EHMT1: variants seen among roughly 807,000 people sequenced by gnomAD.
The protein encoded by EHMT1 is histone-lysine N-methyltransferase EHMT1.
In EHMT1, 15 loss-of-function variants were observed where a neutral mutation model predicts 147.2. The observed-to-expected ratio is 0.10, with a 90% CI of 0.07 to 0.16. The LOEUF is 0.16. Among genes scored for constraint, EHMT1 ranks in the 10% least tolerant of loss-of-function variants. The pLI is 1.00. For synonymous variants in EHMT1, 795 were observed against 709.6 expected, an observed-to-expected ratio of 1.12 and a Z score of -1.91; for missense variants, 1,587 against 1,772.4, an observed-to-expected ratio of 0.90 and a Z score of 1.88.
At chr9:137,644,935 C>T (rs1345251600) in intron 1 of EHMT1, among the ~76,000 whole-genome samples, 4 of 151,878 alleles carry the variant, frequency 2.6e-5, no homozygotes, top group Middle Eastern at 3.2e-3. Flanking sequence ...TGCAGTGGTG[C>T]GATCTCAGCT....
intron 1 of EHMT1, among the ~76,000 whole-genome samples, chr9:137,657,705 G>A (rs1248067643): frequency 1.3e-5 from 2 of 151,872 alleles, no homozygotes. Context: ...TTTAAGATGT[G>A]CAATAGACCA....
At chr9:137,743,616 T>G (rs1948296464) in intron 5 of EHMT1, 88 bp downstream of exon 5, 2 of 1,585,538 alleles carry the variant, frequency 1.3e-6, no homozygotes, top group African/African-American at 2.7e-5. Flanking sequence ...TTGGGTGACC[T>G]CAGTCCCCGG....
chr9:137,807,728 G>A lies in EHMT1; in HGVS notation c.2713-3733G>A, dbSNP rs541856693. Among the ~76,000 whole-genome samples, 63 of 152,158 alleles carry A rather than the reference G, an allele frequency of 4.1e-4. No homozygotes were observed. The Middle Eastern group carries it at 0.017, about 41-fold the overall frequency. On this transcript the variant is annotated intron_variant, in intron 18 of 26. Transcript: ENST00000460843. ...TCACCACGTTGCCCAGGCTGGTCTC[G>A]AACTCCTGACCTCAAGTGATTCCCC...
At position 137,688,416 on chromosome 9, in the gene EHMT1, C is replaced by T. The variant is rs180870985; in HGVS notation, c.22-22551C>T. ...CATGTGTTCATCTCATACCTTGCCA[C>T]GCTGCTGGACTCTTTATCCCACACT... On this transcript the variant is annotated intron_variant, in intron 1 of 26. Transcript: ENST00000460843. Among the ~76,000 whole-genome samples, 332 of 152,306 alleles carry T rather than the reference C, an allele frequency of 2.2e-3. 2 individuals carry two copies. Among genetic ancestry groups the T allele is most frequent in the African/African-American group, 7.6e-3 (317 of 41,578 alleles).
intron 1 of EHMT1, among the ~76,000 whole-genome samples, chr9:137,663,222 C>T (rs1939272648): frequency 6.6e-6 from 1 of 151,992 alleles, no homozygotes; most frequent in South Asian, 2.1e-4. Flanking sequence ...TGCTGTTAGC[C>T]TGTTAATTTG....
chr9:137,683,576 A>G (rs1564583232), intron 1 of EHMT1, among the ~76,000 whole-genome samples: 1 of 152,190 alleles, frequency 6.6e-6, no homozygotes, highest in African/African-American at 2.4e-5. Context: ...GTGCACCATC[A>G]TGACTGGCTA....
intron 1 of EHMT1, among the ~76,000 whole-genome samples, chr9:137,698,919 C>A (rs946314776): frequency 6.6e-6 from 1 of 151,782 alleles, no homozygotes; most frequent in Non-Finnish European, 1.5e-5. Context: ...ATCTTTCCCC[C>A]ACTATACATT....
chr9:137,691,760 G>A (rs866580855), intron 1 of EHMT1, among the ~76,000 whole-genome samples: 18 of 152,304 alleles, frequency 1.2e-4, no homozygotes, highest in Middle Eastern at 3.4e-3. Flanking sequence ...GTCCTTGCCA[G>A]CACTTGTAAG....
At chr9:137,816,487 G>C in intron 23 of EHMT1, 4 of 313,970 alleles carry the variant, frequency 1.3e-5, no homozygotes, top group South Asian at 1.1e-4. Flanking sequence ...CGCTTCTCAG[G>C]CTGCGTGGAC....
intron 25 of EHMT1, among the ~76,000 whole-genome samples, chr9:137,827,505 T>G (rs558715161): frequency 1.3e-5 from 2 of 152,322 alleles, no homozygotes; most frequent in Admixed American, 1.3e-4. Flanking sequence ...CCAGGAAGCT[T>G]TCTGATTCTG....
chr9:137,813,306 C>T lies in EHMT1; in HGVS notation c.3036-80C>T. ...CAAATTGTCAGGGCCAGGTGTTTGC[C>T]AGCCGCCCCACTGCACGCTGTGCCA... On this transcript the variant is annotated intron_variant, in intron 20 of 26. Coordinates refer to ENST00000460843, the MANE Select transcript of EHMT1 (RefSeq NM_024757.5). This position sits in a 1 kb window ranked among gnomAD's most constrained non-coding sequence, Gnocchi z 4.9. 6.4e-7 allele frequency: 1 copy of T among 1,560,566 alleles called. No homozygotes were observed. The highest frequency in any genetic ancestry group is 2.4e-5 in the East Asian group (1 of 42,238).
Position 137,800,055 on chromosome 9 carries a change from G to A in EHMT1, c.2608-825G>A, listed in dbSNP as rs544392319. Reference sequence around the variant, plus strand: ...GCTGCTGTGTCTGTGACAGTAGGATGTGCAGGCTGACTGTCCACCGCAGGG... The same window carrying A: ...GCTGCTGTGTCTGTGACAGTAGGATATGCAGGCTGACTGTCCACCGCAGGG... On this transcript the variant is annotated intron_variant, in intron 17 of 26. Coordinates refer to ENST00000460843, the MANE Select transcript of EHMT1 (RefSeq NM_024757.5). Among the ~76,000 whole-genome samples, 4 of 152,318 alleles carry A rather than the reference G, an allele frequency of 2.6e-5. No individual in the cohort carries two copies. The South Asian group carries it at 6.2e-4, about 24-fold the overall frequency.
At chr9:137,760,994 G>A (rs574974757) in intron 9 of EHMT1, among the ~76,000 whole-genome samples, 17 of 152,306 alleles carry the variant, frequency 1.1e-4, no homozygotes, top group Admixed American at 5.9e-4. Flanking sequence ...GCGACAGAGC[G>A]AGACTCTGGC....
At chr9:137,802,497 A>T (rs1953579711) in intron 18 of EHMT1, 1 of 398,704 alleles carries the variant, frequency 2.5e-6, no homozygotes. Context: ...CAGAAAAAGA[A>T]GATTTCTAAA....
At chr9:137,699,590 G>A (rs940202100) in intron 1 of EHMT1, among the ~76,000 whole-genome samples, 2 of 151,950 alleles carry the variant, frequency 1.3e-5, no homozygotes, top group Non-Finnish European at 2.9e-5. Context: ...CAAGAGAATC[G>A]CTTGAGCCCA....
chr9:137,680,201 C>T (rs1346055417), intron 1 of EHMT1, among the ~76,000 whole-genome samples: 3 of 152,048 alleles, frequency 2.0e-5, no homozygotes, highest in South Asian at 4.1e-4. Context: ...GGACCAGGTG[C>T]GGTGGCTCAC....
intron 18 of EHMT1, chr9:137,802,314 C>G (rs919524136): frequency 2.5e-6 from 1 of 398,604 alleles, no homozygotes; most frequent in Non-Finnish European, 4.4e-6. Context: ...ATGGGAGGTG[C>G]TGCAGCCCTC....
chr9:137,805,431 C>T (rs1016265421), intron 18 of EHMT1, among the ~76,000 whole-genome samples: 16 of 152,234 alleles, frequency 1.1e-4, no homozygotes, highest in African/African-American at 3.6e-4. Context: ...TGTGTAAAGT[C>T]AGTCGTCCAG....
At position 137,658,633 on chromosome 9, in the gene EHMT1, G is replaced by A. The variant is rs531823320; in HGVS notation, c.21+39584G>A. On this transcript the variant is annotated intron_variant, in intron 1 of 26. Transcript: ENST00000460843. Reference sequence around the variant, plus strand: ...AAAATGAATTTTTCTTTTTTTTTGAGACAGGGTCTTGCCCTGTAGCCCAGG... The same window carrying A: ...AAAATGAATTTTTCTTTTTTTTTGAAACAGGGTCTTGCCCTGTAGCCCAGG... Among the ~76,000 whole-genome samples the A allele has an allele frequency of 1.4e-3, 206 of 148,942 alleles. 1 individual carries two copies. Among genetic ancestry groups the A allele is most frequent in the African/African-American group, 4.4e-3 (179 of 40,396 alleles).
Sources: gnomAD v4.1 joint callset for allele counts (sites outside exome capture counted in the v4.1 genomes callset) on GRCh38, gnomAD v4.1.1 for gene constraint, Gnocchi (gnomAD v3.1) non-coding constraint, MANE v1.5 for transcripts, NCBI Gene and HGNC (gene_info 2026-07-23, HGNC 2026-07-21) for gene names.